Variants in TBC1D22B observed in about 807,000 individuals in gnomAD.
TBC1D22B encodes chromosome 6 open reading frame 197.
A neutral mutation model predicts 69.1 loss-of-function variants in TBC1D22B; 32 were observed. That is an observed-to-expected ratio of 0.46 (90% confidence interval 0.35 to 0.62). The LOEUF is 0.62. Ranked by LOEUF, TBC1D22B falls within the 20% of genes least tolerant of loss-of-function variation. TBC1D22B has a pLI of 0.00. For synonymous variants in TBC1D22B, 206 were observed against 229.8 expected, an observed-to-expected ratio of 0.90 and a Z score of 0.94; for missense variants, 462 against 630.9, an observed-to-expected ratio of 0.73 and a Z score of 2.87.
intron 8 of TBC1D22B, among the ~76,000 whole-genome samples, chr6:37,295,284 T>C (rs1332489750): frequency 1.3e-5 from 2 of 152,058 alleles, no homozygotes; most frequent in Admixed American, 6.6e-5. Flanking sequence ...TTTTTATTTT[T>C]TATAGAGATG....
At chr6:37,324,697 C>T (rs1047914129) in intron 12 of TBC1D22B, among the ~76,000 whole-genome samples, 1 of 152,130 alleles carries the variant, frequency 6.6e-6, no homozygotes, top group Admixed American at 6.6e-5. Flanking sequence ...TTCAAACAGC[C>T]TCTTTTATGA....
At chr6:37,323,705 G>A (rs1768316866) in intron 12 of TBC1D22B, among the ~76,000 whole-genome samples, 2 of 152,342 alleles carry the variant, frequency 1.3e-5, no homozygotes, top group Non-Finnish European at 2.9e-5. Context: ...CACCACTTCT[G>A]CAAGAACACA....
intron 8 of TBC1D22B, among the ~76,000 whole-genome samples, chr6:37,293,238 C>T (rs1005871641): frequency 5.9e-5 from 9 of 151,812 alleles, no homozygotes; most frequent in East Asian, 3.9e-4. Context: ...CCACCACGCC[C>T]GGCTAATTTT....
At chr6:37,294,692 C>T (rs1192868773) in intron 8 of TBC1D22B, among the ~76,000 whole-genome samples, 1 of 152,170 alleles carries the variant, frequency 6.6e-6, no homozygotes, top group African/African-American at 2.4e-5. Flanking sequence ...GACAGCACAT[C>T]TGTTTATGGC....
At position 37,257,856 on chromosome 6, in the gene TBC1D22B, C is replaced by T; in HGVS notation, c.-62C>T. 6.3e-7 allele frequency: 1 copy of T among 1,577,102 alleles called. No homozygotes were observed. The highest frequency in any genetic ancestry group is 8.6e-7 in the Non-Finnish European group (1 of 1,158,846). ...TGGGTTGGCCCTCAGATTGCGGGGTCTGGGGGCATCTCGCCGGGCAAACCC... is the reference window on the plus strand; with the variant it reads ...TGGGTTGGCCCTCAGATTGCGGGGTTTGGGGGCATCTCGCCGGGCAAACCC... On this transcript the variant is annotated 5_prime_UTR_variant, in exon 1 of 13. Coordinates refer to ENST00000373491, the MANE Select transcript of TBC1D22B (RefSeq NM_017772.4).
intron 1 of TBC1D22B, among the ~76,000 whole-genome samples, chr6:37,266,809 T>C (rs750574928): frequency 6.6e-6 from 1 of 152,186 alleles, no homozygotes; most frequent in Non-Finnish European, 1.5e-5. Context: ...TTTATTTAAC[T>C]ACTTTCCTGT....
chr6:37,273,427 G>A (rs1174287713), intron 2 of TBC1D22B, among the ~76,000 whole-genome samples: 1 of 152,160 alleles, frequency 6.6e-6, no homozygotes, highest in Non-Finnish European at 1.5e-5. Context: ...TCCATTTTAT[G>A]TTTTGATCAA....
intron 7 of TBC1D22B, 23 bp from the exon 8 acceptor site, chr6:37,291,220 G>GTCTT (rs772501044): frequency 6.5e-7 from 1 of 1,526,796 alleles, no homozygotes; most frequent in South Asian, 1.1e-5. Flanking sequence ...TAACACTCGT[G>GTCTT]TCTTTCTTTC....
intron 12 of TBC1D22B, among the ~76,000 whole-genome samples, chr6:37,328,246 G>A (rs1285736657): frequency 6.6e-5 from 10 of 152,006 alleles, no homozygotes; most frequent in East Asian, 3.9e-4. Flanking sequence ...CGGAGGTTGC[G>A]GTGAACTGAG....
chr6:37,331,360 G>A lies in TBC1D22B; in HGVS notation c.*188G>A. 1 of 579,722 alleles carries A rather than the reference G, an allele frequency of 1.7e-6. No homozygotes were observed. The highest frequency in any genetic ancestry group is 3.1e-6 in the Non-Finnish European group (1 of 326,008). The allele number at this position is 579,722 out of a possible 1,614,324, so 35.9% of individuals were successfully genotyped here. A position where few individuals can be genotyped will look rare whatever the true frequency, so the allele number is the denominator to read the frequency against. On this transcript the variant is annotated 3_prime_UTR_variant, in exon 13 of 13. Coordinates refer to ENST00000373491, the MANE Select transcript of TBC1D22B (RefSeq NM_017772.4). ...CTCTGGATGTGTCACTTGGACCACTGTCAGTATTCCATGCCGCGTGGATGG... is the reference window on the plus strand; with the variant it reads ...CTCTGGATGTGTCACTTGGACCACTATCAGTATTCCATGCCGCGTGGATGG...
intron 8 of TBC1D22B, chr6:37,295,582 C>A: frequency 2.3e-6 from 1 of 434,604 alleles, no homozygotes. Flanking sequence ...CACTGATATT[C>A]ATCCAAATAA....
At chr6:37,264,834 T>G (rs1766221927) in intron 1 of TBC1D22B, among the ~76,000 whole-genome samples, 1 of 152,162 alleles carries the variant, frequency 6.6e-6, no homozygotes, top group Non-Finnish European at 1.5e-5. Flanking sequence ...GAGCCTTATT[T>G]AATAATGGGT....
intron 5 of TBC1D22B, 80 bp downstream of exon 5, chr6:37,283,032 G>T: frequency 1.6e-6 from 2 of 1,248,310 alleles, no homozygotes; most frequent in South Asian, 2.5e-5. Flanking sequence ...GGACACATTG[G>T]TCTTAACTCC....
intron 10 of TBC1D22B, among the ~76,000 whole-genome samples, 177 bp downstream of exon 10, chr6:37,314,068 A>C (rs1177559205): frequency 6.6e-6 from 1 of 152,084 alleles, no homozygotes; most frequent in Non-Finnish European, 1.5e-5. Context: ...TGAAGTGAGA[A>C]CTGTGCTGTT....
Position 37,282,291 on chromosome 6 carries a change from C to G in TBC1D22B, c.528C>G (p.Pro176=). The G allele has an allele frequency of 6.2e-7, 1 of 1,614,158 alleles. No homozygotes were observed. The highest frequency in any genetic ancestry group is 8.5e-7 in the Non-Finnish European group (1 of 1,180,030). The change falls in exon 4 of 13, where the codon CCC becomes CCG. Residue 176 remains proline, a synonymous_variant. Coordinates refer to ENST00000373491, the MANE Select transcript of TBC1D22B (RefSeq NM_017772.4). ...RISDQNASGA[P]PMTVREKTRL... ...CGGATCAGAACGCTTCTGGGGCCCC[C>G]CCAATGACTGTCCGGGAGAAAACCC...
chr6:37,298,563 T>TTTTTTA (rs1767462724), intron 8 of TBC1D22B, among the ~76,000 whole-genome samples: 1 of 92,102 alleles, frequency 1.1e-5, no homozygotes, highest in African/African-American at 3.7e-5. Flanking sequence ...TTTTTTTTTT[T>TTTTTTA]GAGACGGAGT....
intron 8 of TBC1D22B, among the ~76,000 whole-genome samples, chr6:37,306,957 C>G (rs1767739198): frequency 6.6e-6 from 1 of 152,196 alleles, no homozygotes; most frequent in South Asian, 2.1e-4. Context: ...AGTCTTTCCT[C>G]CAACCATCTC....
intron 8 of TBC1D22B, among the ~76,000 whole-genome samples, chr6:37,298,115 C>T (rs1767444666): frequency 6.6e-6 from 1 of 152,020 alleles, no homozygotes; most frequent in Non-Finnish European, 1.5e-5. Context: ...TTGATGGGTG[C>T]AGCAAACCAC....
rs931321707 is a variant in TBC1D22B at position 37,313,850 on chromosome 6, A to G, written c.1124A>G (p.Lys375Arg). The stretch of plus-strand genomic sequence containing the variant: ...ACCTTTGCACAACCAGGAATCCAGA[A>G]GAAGGTGAAGGCACTGGAAGAGCTT... ...NYTFAQPGIQ[K>R]KVKALEELVS... The change falls in exon 10 of 13, where the codon AAG becomes AGG. Residue 375 changes from lysine to arginine, a missense_variant. Coordinates refer to ENST00000373491, the MANE Select transcript of TBC1D22B (RefSeq NM_017772.4). 2.5e-6 allele frequency: 4 copies of G among 1,614,086 alleles called. No homozygotes were observed. Among genetic ancestry groups the G allele is most frequent in the Non-Finnish European group, 3.4e-6 (4 of 1,180,030 alleles).
Sources: allele counts gnomAD v4.1 joint callset (sites outside exome capture counted in the v4.1 genomes callset), GRCh38; gene constraint gnomAD v4.1.1; transcripts MANE v1.5; gene names NCBI Gene and HGNC (gene_info 2026-07-23, HGNC 2026-07-21).